Variants in KLF12 observed in about 807,000 individuals in gnomAD.
The protein encoded by KLF12 is Krueppel-like factor 12.
A neutral mutation model predicts 37.8 loss-of-function variants in KLF12; 9 were observed. The ratio of observed to expected loss-of-function variants is 0.24; its 90% CI spans 0.14 to 0.42. The LOEUF (loss-of-function observed/expected upper bound fraction) is 0.42, where lower values mean the gene tolerates loss of function less well. KLF12 is among the 10% of genes least tolerant of loss of function. The pLI is 1.00. For synonymous variants in KLF12, 208 were observed against 202.1 expected, an observed-to-expected ratio of 1.03 and a Z score of -0.25; for missense variants, 411 against 516.0, an observed-to-expected ratio of 0.80 and a Z score of 1.97.
At chr13:73,963,722 G>A (rs749803598) in intron 2 of KLF12, among the ~76,000 whole-genome samples, 9 of 152,130 alleles carry the variant, frequency 5.9e-5, no homozygotes, top group Non-Finnish European at 1.2e-4. Context: ...ACTAACTTCA[G>A]AAAATCTTAA....
chr13:73,752,999 G>A (rs934231920), intron 6 of KLF12, among the ~76,000 whole-genome samples: 10 of 151,650 alleles, frequency 6.6e-5, no homozygotes, highest in East Asian at 1.9e-4. Flanking sequence ...TGATCGACCC[G>A]CCTTGGCCTC....
chr13:73,697,088 A>AACACACACAC (rs10679066), intron 7 of KLF12, among the ~76,000 whole-genome samples: 3,455 of 149,638 alleles, frequency 0.023, 46 homozygotes, highest in Middle Eastern at 0.031. Context: ...ATACAACTGC[A>AACACACACAC]ACACACACAC....
chr13:74,035,663 C>G (rs908402905), intron 1 of KLF12, among the ~76,000 whole-genome samples: 2 of 152,106 alleles, frequency 1.3e-5, no homozygotes, highest in Non-Finnish European at 2.9e-5. Flanking sequence ...CATAATCATT[C>G]TAAAAATTCA....
At chr13:74,248,703 A>T in the KLF12 span, among the ~76,000 whole-genome samples, 3 of 152,136 alleles carry the variant, frequency 2.0e-5, no homozygotes, top group African/African-American at 7.2e-5. Flanking sequence ...GACCAGTCCT[A>T]TTGGCTGTGT....
chr13:74,014,004 C>T (rs781439604), intron 1 of KLF12, among the ~76,000 whole-genome samples: 1 of 152,108 alleles, frequency 6.6e-6, no homozygotes, highest in Non-Finnish European at 1.5e-5. Flanking sequence ...TTCAAACACT[C>T]ACCTGGAATT....
the KLF12 span, among the ~76,000 whole-genome samples, chr13:74,246,762 T>A: frequency 6.6e-6 from 1 of 152,210 alleles, no homozygotes; most frequent in Admixed American, 6.5e-5. Flanking sequence ...CTTATGCACG[T>A]GTGCATTTAG....
At chr13:74,240,359 C>G in the KLF12 span, among the ~76,000 whole-genome samples, 1 of 112,770 alleles carries the variant, frequency 8.9e-6, no homozygotes, top group Admixed American at 9.3e-5. Flanking sequence ...CGACCTTTCT[C>G]TCTGGCTGCC....
chr13:74,113,128 G>C (rs1005039101), intron 1 of KLF12, among the ~76,000 whole-genome samples: 1 of 152,074 alleles, frequency 6.6e-6, no homozygotes, highest in East Asian at 1.9e-4. Flanking sequence ...GTTGGAAGCC[G>C]GAAGAGTTTG....
chr13:74,006,462 C>G (rs1289564777), intron 1 of KLF12, among the ~76,000 whole-genome samples: 1 of 152,212 alleles, frequency 6.6e-6, no homozygotes, highest in African/African-American at 2.4e-5. Context: ...AAATTTCCCA[C>G]TTAAATCTCT....
At chr13:74,218,180 A>G in the KLF12 span, among the ~76,000 whole-genome samples, 1 of 152,196 alleles carries the variant, frequency 6.6e-6, no homozygotes, top group African/African-American at 2.4e-5. Context: ...CAGAACTGAA[A>G]AGATTAGAAT....
rs1369140631 is a variant in KLF12 at position 73,688,240 on chromosome 13, T to A, written c.*7250A>T. 1 of 152,786 alleles carries A rather than the reference T, an allele frequency of 6.5e-6. No individual in the cohort carries two copies. Among genetic ancestry groups the A allele is most frequent in the Non-Finnish European group, 1.5e-5 (1 of 68,040 alleles). 9.5% of individuals were successfully genotyped at this position (152,786 alleles called of 1,614,324 possible). On this transcript the variant is annotated 3_prime_UTR_variant, in exon 8 of 8. Coordinates refer to ENST00000377669, the MANE Select transcript of KLF12 (RefSeq NM_007249.5). The stretch of plus-strand genomic sequence containing the variant: ...AGTGGGAGGAATTTCATTTCTCTGA[T>A]GTTGGACAGCTTCTTACATAAAATT...
intron 2 of KLF12, among the ~76,000 whole-genome samples, chr13:73,974,232 T>A (rs1891436020): frequency 6.6e-6 from 1 of 150,730 alleles, no homozygotes; most frequent in Non-Finnish European, 1.5e-5. Flanking sequence ...CAGATTGAAA[T>A]AACAGACAGT....
intron 3 of KLF12, among the ~76,000 whole-genome samples, chr13:73,904,262 G>C (rs539699434): frequency 1.4e-4 from 22 of 152,250 alleles, no homozygotes; most frequent in South Asian, 8.3e-4. Flanking sequence ...ACACGTCCTA[G>C]CACAAGTGCA....
intron 1 of KLF12, among the ~76,000 whole-genome samples, chr13:74,118,552 G>C (rs983591359): frequency 4.6e-5 from 7 of 152,210 alleles, no homozygotes; most frequent in African/African-American, 1.7e-4. Context: ...TGGTAGATAA[G>C]AGAATGAAGG....
intron 5 of KLF12, among the ~76,000 whole-genome samples, chr13:73,777,377 C>T (rs940623895): frequency 1.1e-4 from 17 of 152,122 alleles, no homozygotes; most frequent in Admixed American, 2.6e-4. Context: ...TGGAAGATTT[C>T]GCTTCAGATG....
chr13:73,919,175 A>G (rs1333888139), intron 3 of KLF12, among the ~76,000 whole-genome samples: 1 of 152,184 alleles, frequency 6.6e-6, no homozygotes, highest in Non-Finnish European at 1.5e-5. Context: ...AGTTCACAGA[A>G]AATTCATTGA....
the KLF12 span, among the ~76,000 whole-genome samples, chr13:74,145,180 TA>T: frequency 1.3e-5 from 2 of 152,180 alleles, no homozygotes; most frequent in Admixed American, 1.3e-4. Context: ...TGAAGGTAAC[TA>T]GACAAAAGTC....
the KLF12 span, among the ~76,000 whole-genome samples, chr13:74,161,060 A>C: frequency 7.1e-6 from 1 of 141,148 alleles, no homozygotes; most frequent in African/African-American, 2.5e-5. Flanking sequence ...TTGGACATTC[A>C]GGAGAGTCTT....
chr13:74,098,122 C>T (rs1593897620), intron 1 of KLF12, among the ~76,000 whole-genome samples: 1 of 152,132 alleles, frequency 6.6e-6, no homozygotes, highest in East Asian at 1.9e-4. Context: ...TCCCAGAAAT[C>T]CTGACCCCAG....
Sources: gnomAD v4.1 joint callset for allele counts (sites outside exome capture counted in the v4.1 genomes callset) on GRCh38, gnomAD v4.1.1 for gene constraint, MANE v1.5 for transcripts, NCBI Gene and HGNC (gene_info 2026-07-23, HGNC 2026-07-21) for gene names.